The following POGLUT3 variants were observed in gnomAD, a reference collection of about 807,000 sequenced individuals.
POGLUT3 encodes protein O-glucosyltransferase 3.
A neutral mutation model predicts 54.3 loss-of-function variants in POGLUT3; 48 were observed. That is an observed-to-expected ratio of 0.88 (90% CI 0.70 to 1.12). The LOEUF is 1.12. POGLUT3 is among the 50% of genes most tolerant of loss of function. POGLUT3 has a pLI of 0.00. For missense variants in POGLUT3, 629 were observed against 618.7 expected (o/e 1.02, Z -0.18); for synonymous variants, 218 against 237.4 (o/e 0.92, Z 0.75).
chr11:108,484,272 G>C (rs1015480287), intron 3 of POGLUT3, among the ~76,000 whole-genome samples: 1 of 152,128 alleles, frequency 6.6e-6, no homozygotes, highest in Non-Finnish European at 1.5e-5. Flanking sequence ...AAGAATACAG[G>C]GCACAGTTGA....
chr11:108,494,357 G>C (rs980252144), intron 1 of POGLUT3, among the ~76,000 whole-genome samples: 6 of 152,194 alleles, frequency 3.9e-5, no homozygotes, highest in Admixed American at 3.9e-4. Flanking sequence ...GAAGGCTAAG[G>C]TGTTGTACCA....
chr11:108,476,737 C>T (rs758379170), intron 7 of POGLUT3, among the ~76,000 whole-genome samples: 3 of 152,068 alleles, frequency 2.0e-5, no homozygotes, highest in Non-Finnish European at 4.4e-5. Context: ...CTCGGATTCC[C>T]AATAAACACT....
chr11:108,489,038 G>A (rs2093608594), intron 2 of POGLUT3, among the ~76,000 whole-genome samples: 1 of 152,080 alleles, frequency 6.6e-6, no homozygotes, highest in African/African-American at 2.4e-5. Flanking sequence ...ATTTCCCAGT[G>A]ATTTAACTGC....
At chr11:108,476,199 T>C (rs1207930655) in intron 7 of POGLUT3, among the ~76,000 whole-genome samples, 1 of 152,176 alleles carries the variant, frequency 6.6e-6, no homozygotes, top group Non-Finnish European at 1.5e-5. Context: ...AGTGGTGCAA[T>C]CTAGGCTCAC....
At chr11:108,475,064 G>T in intron 7 of POGLUT3, 112 bp from the exon 8 acceptor site, 1 of 1,154,188 alleles carries the variant, frequency 8.7e-7, no homozygotes, top group Non-Finnish European at 1.2e-6. Flanking sequence ...CTGTGTGTCT[G>T]CAGACTAAAA....
At chr11:108,497,305 G>A (rs1565753108) in intron 1 of POGLUT3, among the ~76,000 whole-genome samples, 1 of 152,176 alleles carries the variant, frequency 6.6e-6, no homozygotes, top group African/African-American at 2.4e-5. Context: ...CAGCTGTCAA[G>A]ACCCCCTTAC....
At chr11:108,475,979 T>TAA (rs1454987037) in intron 7 of POGLUT3, among the ~76,000 whole-genome samples, 1 of 151,656 alleles carries the variant, frequency 6.6e-6, no homozygotes, top group South Asian at 2.1e-4. Flanking sequence ...AGCTTGTTTC[T>TAA]AAAAAAAATA....
chr11:108,475,155 G>A (rs1406679953), intron 7 of POGLUT3, among the ~76,000 whole-genome samples: 1 of 152,086 alleles, frequency 6.6e-6, no homozygotes, highest in African/African-American at 2.4e-5. Context: ...TCATAATCTA[G>A]CAAGAAACCC....
chr11:108,495,999 G>A (rs1000386513), intron 1 of POGLUT3, among the ~76,000 whole-genome samples: 2 of 151,910 alleles, frequency 1.3e-5, no homozygotes, highest in East Asian at 3.8e-4. Context: ...ATATATTTAT[G>A]TATATATAAT....
At chr11:108,475,463 G>GTTTTTTTTTTTTTT (rs367899085) in intron 7 of POGLUT3, among the ~76,000 whole-genome samples, 21 of 109,972 alleles carry the variant, frequency 1.9e-4, no homozygotes, top group South Asian at 8.8e-4. Context: ...AGTTTTTTTT[G>GTTTTTTTTTTTTTT]TTTTTGTTTT....
intron 6 of POGLUT3, among the ~76,000 whole-genome samples, chr11:108,478,951 G>T (rs537113596): frequency 1.3e-5 from 2 of 152,194 alleles, no homozygotes; most frequent in Non-Finnish European, 2.9e-5. Flanking sequence ...AAAGAGTACT[G>T]TAATTGCCTG....
intron 1 of POGLUT3, among the ~76,000 whole-genome samples, chr11:108,492,562 T>C (rs114411832): frequency 0.012 from 1,871 of 152,290 alleles, 37 homozygotes; most frequent in African/African-American, 0.042. Context: ...ATCGAGTGAG[T>C]GTAATATCTA....
At chr11:108,490,873 T>C (rs1015927617) in intron 2 of POGLUT3, 97 bp downstream of exon 2, 4 of 775,430 alleles carry the variant, frequency 5.2e-6, no homozygotes, top group Non-Finnish European at 6.5e-6. Flanking sequence ...ATGTTTACTT[T>C]ACTGCACATG....
chr11:108,487,731 C>T (rs1041092377), intron 2 of POGLUT3, among the ~76,000 whole-genome samples: 1 of 151,954 alleles, frequency 6.6e-6, no homozygotes, highest in African/African-American at 2.4e-5. Context: ...CCTGCCTCAG[C>T]CTCCCGAGTA....
At chr11:108,495,124 C>T (rs1430036011) in intron 1 of POGLUT3, among the ~76,000 whole-genome samples, 1 of 152,150 alleles carries the variant, frequency 6.6e-6, no homozygotes, top group Non-Finnish European at 1.5e-5. Context: ...TCTACACTGT[C>T]GAATGGGAGT....
At chr11:108,475,717 C>T (rs2135843017) in intron 7 of POGLUT3, among the ~76,000 whole-genome samples, 1 of 152,164 alleles carries the variant, frequency 6.6e-6, no homozygotes, top group East Asian at 1.9e-4. Context: ...AATCTGCCTA[C>T]CTCAGCCTCC....
rs192361492 is a variant in POGLUT3 at position 108,489,899 on chromosome 11, T to G, written c.400+1071A>C. On this transcript the variant is annotated intron_variant, in intron 2 of 7. Transcript: ENST00000323468. ...AGTTTTTGTTTCTGTTTTATTTCGT[T>G]TTGAGACAGGGGGTCTCACTCTGTC... Among the ~76,000 whole-genome samples the G allele has an allele frequency of 3.9e-3, 601 of 152,272 alleles. 2 individuals are homozygous for G. The highest frequency in any genetic ancestry group is 0.014 in the African/African-American group (567 of 41,546).
At chr11:108,484,759 GCAAA>G (rs1323762030) in intron 3 of POGLUT3, among the ~76,000 whole-genome samples, 4 of 151,842 alleles carry the variant, frequency 2.6e-5, no homozygotes, top group Admixed American at 1.3e-4. Context: ...CCATCTCAAA[GCAAA>G]CAAACAAACA....
In POGLUT3 at chr11:108,472,132, T is replaced by G. The variant is rs1007540325; in HGVS notation, c.*2695A>C. 1.3e-5 allele frequency: 2 copies of G among 152,140 alleles called. No individual in the cohort carries two copies. Among genetic ancestry groups the G allele is most frequent in the African/African-American group, 4.8e-5 (2 of 41,436 alleles). The allele number at this position is 152,140 out of a possible 1,614,324, so 9.4% of individuals were successfully genotyped here. On this transcript the variant is annotated 3_prime_UTR_variant, in exon 8 of 8. Coordinates refer to ENST00000323468, the MANE Select transcript of POGLUT3 (RefSeq NM_153705.5). ...TTTTTCAACTTTTTATTTAGAAAAT[T>G]TATTTTATTTAAAAGGTATATATAT... is the stretch of plus-strand genomic sequence containing the variant.
Sources: allele counts gnomAD v4.1 joint callset (sites outside exome capture counted in the v4.1 genomes callset), GRCh38; gene constraint gnomAD v4.1.1; transcripts MANE v1.5; gene names NCBI Gene and HGNC (gene_info 2026-07-23, HGNC 2026-07-21).